OTUD7B: variants seen among roughly 807,000 people sequenced by gnomAD.
OTUD7B encodes OTU domain-containing protein 7B.
In OTUD7B, 34 loss-of-function variants were observed where a neutral mutation model predicts 82.2. The observed-to-expected ratio is 0.41, with a 90% CI of 0.31 to 0.55. OTUD7B has a LOEUF of 0.55. Among genes scored for constraint, OTUD7B ranks in the 20% least tolerant of loss-of-function variants. The pLI is 0.20. For synonymous variants in OTUD7B, 398 were observed against 402.7 expected, an observed-to-expected ratio of 0.99 and a Z score of 0.14; for missense variants, 944 against 1,062.1, an observed-to-expected ratio of 0.89 and a Z score of 1.55.
the OTUD7B span, among the ~76,000 whole-genome samples, chr1:150,051,551 T>C: frequency 6.6e-6 from 1 of 152,176 alleles, no homozygotes; most frequent in Non-Finnish European, 1.5e-5. Context: ...TACAAAAATA[T>C]ATAGTGAAAT....
the OTUD7B span, among the ~76,000 whole-genome samples, chr1:150,024,823 G>A: frequency 3.3e-5 from 5 of 152,116 alleles, no homozygotes; most frequent in African/African-American, 7.2e-5. Context: ...CAAGGCGGGC[G>A]GATCTCTTGA....
chr1:149,956,555 T>G (rs1418513907), intron 7 of OTUD7B, among the ~76,000 whole-genome samples: 1 of 152,192 alleles, frequency 6.6e-6, no homozygotes, highest in Non-Finnish European at 1.5e-5. Flanking sequence ...GCGTTCTCTG[T>G]ATTCCCTGAA....
At chr1:149,995,117 A>C (rs1433432892) in intron 1 of OTUD7B, among the ~76,000 whole-genome samples, 1 of 152,218 alleles carries the variant, frequency 6.6e-6, no homozygotes, top group East Asian at 1.9e-4. Context: ...GCATTCAAGG[A>C]CCTTTTGAAG....
In OTUD7B at chr1:150,010,706, G is replaced by T. The variant is rs1352445074; in HGVS notation, c.-325C>A. 6.6e-6 allele frequency: 1 copy of T among 152,648 alleles called. No homozygotes were observed. Among genetic ancestry groups the T allele is most frequent in the Non-Finnish European group, 1.5e-5 (1 of 68,194 alleles). The allele number at this position is 152,648 out of a possible 1,614,324, so 9.5% of individuals were successfully genotyped here. ...CGCACCCGGTCGCCACTCCGGCTCC[G>T]GCGGCTGGTTCAGGATCGGTGGCTT... On this transcript the variant is annotated 5_prime_UTR_variant, in exon 1 of 12. Coordinates refer to ENST00000581312, the MANE Select transcript of OTUD7B (RefSeq NM_020205.4).
the OTUD7B span, among the ~76,000 whole-genome samples, chr1:150,062,402 A>C: frequency 6.6e-6 from 1 of 152,168 alleles, no homozygotes; most frequent in Non-Finnish European, 1.5e-5. Flanking sequence ...TGCATTTTTT[A>C]GATTACCATT....
At chr1:150,011,519 T>C (rs182401025), upstream of OTUD7B, among the ~76,000 whole-genome samples, 1 of 152,342 alleles carries the variant, frequency 6.6e-6, no homozygotes, top group African/African-American at 2.4e-5. Context: ...GTATGTGTCC[T>C]ACCTGAGTGA....
intron 1 of OTUD7B, among the ~76,000 whole-genome samples, chr1:149,992,467 GT>G (rs1166098299): frequency 0.075 from 4,601 of 61,156 alleles, 207 homozygotes; most frequent in African/African-American, 0.15. Context: ...GTGTGCATGT[GT>G]TTTTTTTTTT....
At chr1:150,019,792 A>C in the OTUD7B span, among the ~76,000 whole-genome samples, 1 of 152,080 alleles carries the variant, frequency 6.6e-6, no homozygotes, top group Non-Finnish European at 1.5e-5. Context: ...CAGAGAGCTC[A>C]TAGATTGCTC....
intron 11 of OTUD7B, among the ~76,000 whole-genome samples, chr1:149,946,401 A>G (rs1647741956): frequency 6.6e-6 from 1 of 152,132 alleles, no homozygotes; most frequent in South Asian, 2.1e-4. Flanking sequence ...GATAACAGAG[A>G]CTGGCTGGAG....
At chr1:150,037,409 G>A in the OTUD7B span, among the ~76,000 whole-genome samples, 3 of 152,092 alleles carry the variant, frequency 2.0e-5, no homozygotes, top group African/African-American at 7.2e-5. Flanking sequence ...TGGGAGAAAA[G>A]ATACACGACA....
the OTUD7B span, among the ~76,000 whole-genome samples, chr1:150,050,842 G>A: frequency 6.6e-6 from 1 of 151,224 alleles, no homozygotes; most frequent in Non-Finnish European, 1.5e-5. Flanking sequence ...GTAAAAACAT[G>A]CTTTCAAGTA....
chr1:150,064,355 C>CTCTCT, the OTUD7B span, among the ~76,000 whole-genome samples: 8 of 151,854 alleles, frequency 5.3e-5, no homozygotes, highest in South Asian at 2.1e-4. Context: ...TTCTTCTTTT[C>CTCTCT]TCTCTTCTCT....
chr1:150,065,241 T>C, the OTUD7B span, among the ~76,000 whole-genome samples: 1 of 152,046 alleles, frequency 6.6e-6, no homozygotes, highest in Non-Finnish European at 1.5e-5. Context: ...CCAACTAATT[T>C]TTTGTATTTT....
At chr1:150,020,916 C>T in the OTUD7B span, among the ~76,000 whole-genome samples, 2 of 151,618 alleles carry the variant, frequency 1.3e-5, no homozygotes, top group African/African-American at 4.8e-5. Context: ...ATCTTTGACC[C>T]TAACTTTATC....
chr1:149,961,202 T>C (rs1649137032), intron 6 of OTUD7B: 1 of 152,096 alleles, frequency 6.6e-6, no homozygotes, highest in Non-Finnish European at 1.5e-5. Context: ...CTGCCTGGAG[T>C]AGCTCACTTT....
At chr1:149,972,966 G>A (rs1571661143) in intron 2 of OTUD7B, among the ~76,000 whole-genome samples, 1 of 152,118 alleles carries the variant, frequency 6.6e-6, no homozygotes, top group East Asian at 1.9e-4. Context: ...ATCCCTCCAG[G>A]CCCTGAAACT....
intron 8 of OTUD7B, 40 bp downstream of exon 8, chr1:149,950,054 G>C (rs781959813): frequency 5.0e-6 from 8 of 1,611,036 alleles, no homozygotes; most frequent in Non-Finnish European, 5.9e-6. Flanking sequence ...TTGCAAAAGG[G>C]GGTGCTCAGC....
chr1:150,014,084 G>GTGTGTGTATATA (rs1336267152), upstream of OTUD7B, among the ~76,000 whole-genome samples: 5 of 30,404 alleles, frequency 1.6e-4, no homozygotes, highest in Admixed American at 1.3e-3. Context: ...GTGTGTGTGT[G>GTGTGTGTATATA]TATATATATA....
At chr1:149,953,617 G>A (rs1199335945) in intron 7 of OTUD7B, among the ~76,000 whole-genome samples, 1 of 152,178 alleles carries the variant, frequency 6.6e-6, no homozygotes, top group Non-Finnish European at 1.5e-5. Flanking sequence ...GGATGGCACT[G>A]AGTCTATAAA....
Sources: allele counts gnomAD v4.1 joint callset (sites outside exome capture counted in the v4.1 genomes callset), GRCh38; gene constraint gnomAD v4.1.1; transcripts MANE v1.5; gene names NCBI Gene and HGNC (gene_info 2026-07-23, HGNC 2026-07-21).